SFSWAP: variants seen among roughly 807,000 people sequenced by gnomAD.
The protein encoded by SFSWAP is splicing factor, suppressor of white-apricot homolog.
Under a neutral mutation model 100.7 loss-of-function variants are expected in SFSWAP, and 17 were observed. That is an observed-to-expected ratio of 0.17 (90% CI 0.12 to 0.25). SFSWAP has a LOEUF of 0.25. SFSWAP is among the 10% of genes least tolerant of loss of function. The pLI, the probability that SFSWAP is intolerant of heterozygous loss-of-function variation, is 1.00. For synonymous variants in SFSWAP, 504 were observed against 510.1 expected (o/e 0.99, Z 0.16); for missense variants, 1,005 against 1,262.6 (o/e 0.80, Z 3.09).
At chr12:131,736,609 C>T (rs1290428303) in intron 7 of SFSWAP, among the ~76,000 whole-genome samples, 2 of 152,104 alleles carry the variant, frequency 1.3e-5, no homozygotes, top group Non-Finnish European at 2.9e-5. Context: ...GTAGTAAACA[C>T]CCCTCCAGCG....
intron 7 of SFSWAP, among the ~76,000 whole-genome samples, chr12:131,746,442 G>C (rs989472641): frequency 3.9e-5 from 6 of 152,186 alleles, no homozygotes; most frequent in African/African-American, 1.4e-4. Flanking sequence ...TCGTTTGTTT[G>C]CAGTGTGCAT....
chr12:131,756,588 G>A lies in SFSWAP; in HGVS notation c.1664G>A (p.Gly555Asp). ...AAEVGARAGSGGKKEASSSKT... is the reference protein window; with the variant it reads ...AAEVGARAGSDGKKEASSSKT... ...GAGGTGGGAGCACGGGCAGGCTCAG[G>A]CGGGAAGAAGGAGGCATCGTCCAGT... The change falls in exon 11 of 18, where the codon GGC (glycine) becomes GAC (aspartate). Residue 555 changes from glycine to aspartate, a missense_variant. Coordinates refer to ENST00000261674, the MANE Select transcript of SFSWAP (RefSeq NM_004592.4). The A allele has an allele frequency of 6.2e-7, 1 of 1,613,144 alleles. No homozygotes were observed. The highest frequency in any genetic ancestry group is 8.5e-7 in the Non-Finnish European group (1 of 1,179,716).
intron 13 of SFSWAP, among the ~76,000 whole-genome samples, chr12:131,775,978 T>G (rs1397412022): frequency 1.3e-5 from 2 of 150,590 alleles, no homozygotes; most frequent in Non-Finnish European, 2.9e-5. Context: ...GGCACATGCC[T>G]GTAATCCCAG....
chr12:131,783,892 T>C (rs953879045), intron 14 of SFSWAP: 1 of 149,050 alleles, frequency 6.7e-6, no homozygotes, highest in Admixed American at 6.8e-5. Flanking sequence ...GGAAGACTTT[T>C]CTTAGGAGTC....
Position 131,714,808 on chromosome 12 carries a change from C to T in SFSWAP, c.389-14C>T, listed in dbSNP as rs1418583293. On this transcript the variant is annotated splice_polypyrimidine_tract_variant and intron_variant, in intron 2 of 17. Transcript: ENST00000261674. This position sits in a 1 kb window ranked among gnomAD's most constrained non-coding sequence, Gnocchi z 6.0. ...TTTCTATTTTTGTTGATAAAATTCTCATTTTTATTCAAGAGGAAGAATACA... is the reference window on the plus strand; with the variant it reads ...TTTCTATTTTTGTTGATAAAATTCTTATTTTTATTCAAGAGGAAGAATACA... The T allele has an allele frequency of 1.2e-6, 2 of 1,606,942 alleles. No homozygotes were observed. The highest frequency in any genetic ancestry group is 1.7e-6 in the Non-Finnish European group (2 of 1,175,414).
In SFSWAP at chr12:131,730,572, G is replaced by C. The variant is rs1342690259; in HGVS notation, c.1081+2144G>C. The stretch of plus-strand genomic sequence containing the variant: ...GTGATCTGAACTGAGGCATGCAGGG[G>C]TGGCATTGTGAGCTGTCTGGGTCAG... On this transcript the variant is annotated intron_variant, in intron 7 of 17. Transcript: ENST00000261674. This position sits in a 1 kb window ranked among gnomAD's most constrained non-coding sequence, Gnocchi z 4.0. Among the ~76,000 whole-genome samples, 1 of 152,204 alleles carries C rather than the reference G, an allele frequency of 6.6e-6. No homozygotes were observed. The highest frequency in any genetic ancestry group is 1.5e-5 in the Non-Finnish European group (1 of 68,038).
chr12:131,751,312 C>G (rs1881602456), intron 7 of SFSWAP, among the ~76,000 whole-genome samples: 1 of 152,232 alleles, frequency 6.6e-6, no homozygotes, highest in Non-Finnish European at 1.5e-5. Context: ...GAATTCAGAT[C>G]CCGTCCTTTG....
At chr12:131,720,959 TG>T (rs1420760366) in intron 4 of SFSWAP, among the ~76,000 whole-genome samples, 1 of 152,224 alleles carries the variant, frequency 6.6e-6, no homozygotes, top group Non-Finnish European at 1.5e-5. Context: ...CTCACGATTC[TG>T]CAGGCTGTAC....
In SFSWAP at chr12:131,711,350, G is replaced by T. The variant is rs1877312060; in HGVS notation, c.121G>T (p.Ala41Ser). The T allele has an allele frequency of 1.2e-6, 2 of 1,613,920 alleles. No homozygotes were observed. The highest frequency in any genetic ancestry group is 1.7e-6 in the Non-Finnish European group (2 of 1,180,046). ...AGTGGAGCTCTTGGTTTTCGGCTAT[G>T]CCTGCAAGCTGTTCCGGGACGACGA... Reference protein sequence around the residue: ...SRVELLVFGYACKLFRDDERA... With the variant: ...SRVELLVFGYSCKLFRDDERA... The change falls in exon 1 of 18, where the codon GCC (alanine) becomes TCC (serine). Residue 41 changes from alanine to serine, a missense_variant. Ala to Ser is a moderately conservative substitution (Grantham distance 99, BLOSUM62 1). Coordinates refer to ENST00000261674, the MANE Select transcript of SFSWAP (RefSeq NM_004592.4). This position sits in a 1 kb window ranked among gnomAD's most constrained non-coding sequence, Gnocchi z 4.9.
At chr12:131,716,075 A>G (rs551854323) in intron 3 of SFSWAP, among the ~76,000 whole-genome samples, 2 of 152,308 alleles carry the variant, frequency 1.3e-5, no homozygotes, top group Non-Finnish European at 2.9e-5. Flanking sequence ...TTGCCCTTCC[A>G]TCCTGTGACT....
intron 5 of SFSWAP, among the ~76,000 whole-genome samples, chr12:131,726,713 C>T (rs1251056964): frequency 1.3e-5 from 2 of 152,238 alleles, no homozygotes; most frequent in Non-Finnish European, 2.9e-5. Flanking sequence ...GAGCCCCAGA[C>T]CAGCTGGTGC....
chr12:131,799,203 CCT>C (rs1885894124), intron 17 of SFSWAP, 94 bp downstream of exon 17: 1 of 1,143,980 alleles, frequency 8.7e-7, no homozygotes, highest in Non-Finnish European at 1.3e-6. Flanking sequence ...CCCTCCTGTC[CCT>C]GTCATGGGAC....
At position 131,733,862 on chromosome 12, in the gene SFSWAP, C is replaced by T. The variant is rs984924680; in HGVS notation, c.1081+5434C>T. On this transcript the variant is annotated intron_variant, in intron 7 of 17. Coordinates refer to ENST00000261674, the MANE Select transcript of SFSWAP (RefSeq NM_004592.4). This position sits in a 1 kb window ranked among gnomAD's most constrained non-coding sequence, Gnocchi z 5.1. ...GGGTCCTGGCACCTGCCCCTCCACT[C>T]CCCATGCAGCTTCATCCTCCAGGGC... Among the ~76,000 whole-genome samples the T allele has an allele frequency of 1.2e-4, 18 of 152,148 alleles. No homozygotes were observed. Among genetic ancestry groups the T allele is most frequent in the African/African-American group, 3.9e-4 (16 of 41,422 alleles).
chr12:131,794,279 G>T lies in SFSWAP; in HGVS notation c.2535-2899G>T, dbSNP rs993106007. Among the ~76,000 whole-genome samples the T allele has an allele frequency of 6.6e-6, 1 of 151,222 alleles. No individual in the cohort carries two copies. The highest frequency in any genetic ancestry group is 2.1e-4 in the South Asian group (1 of 4,796). On this transcript the variant is annotated intron_variant, in intron 15 of 17. Transcript: ENST00000261674. The surrounding 1 kb of genome is among the most constrained non-coding windows in gnomAD (Gnocchi z 4.8). ...GCCAGCCACAGTGGCTCACACCTGT[G>T]ATCCCAGCACTTTGGGAGGCCAAGG...
At position 131,764,601 on chromosome 12, in the gene SFSWAP, C is replaced by T. The variant is rs1157057576; in HGVS notation, c.1866C>T (p.Asn622=). Residue 622 remains asparagine (N), a synonymous_variant, in exon 12 of 18, where the codon AAC becomes AAT. Coordinates refer to ENST00000261674, the MANE Select transcript of SFSWAP (RefSeq NM_004592.4). ...AAGAAAGTTCTAGTAGTGCTGCAAA[C>T]ACTAACCCAGCAGTTGCCCCACCCT... The part of the protein sequence containing the change: ...EGQESSSSAA[N]TNPAVAPPCV... The T allele has an allele frequency of 2.4e-5, 39 of 1,614,208 alleles. No individual in the cohort carries two copies. Among genetic ancestry groups the T allele is most frequent in the Non-Finnish European group, 3.2e-5 (38 of 1,180,032 alleles).
intron 12 of SFSWAP, among the ~76,000 whole-genome samples, chr12:131,765,121 T>C (rs1883001801): frequency 6.6e-6 from 1 of 152,178 alleles, no homozygotes. Context: ...CCAGCTGGTT[T>C]TCCGGCTGCG....
chr12:131,776,554 C>T lies in SFSWAP; in HGVS notation c.2143-1511C>T, dbSNP rs368268834. Among the ~76,000 whole-genome samples the T allele has an allele frequency of 3.9e-4, 60 of 152,344 alleles. 1 individual carries two copies. In the East Asian group the frequency reaches 8.7e-3, roughly 22 times the overall value. Reference sequence around the variant, plus strand: ...GAAGAATCGTTTCTACAGTGTTTTCCCGCAGCCAGTTGGCCTTGCCACAGC... The same window carrying T: ...GAAGAATCGTTTCTACAGTGTTTTCTCGCAGCCAGTTGGCCTTGCCACAGC... On this transcript the variant is annotated intron_variant, in intron 13 of 17. Coordinates refer to ENST00000261674, the MANE Select transcript of SFSWAP (RefSeq NM_004592.4).
At chr12:131,721,880 G>A (rs1878505074) in intron 4 of SFSWAP, among the ~76,000 whole-genome samples, 1 of 152,198 alleles carries the variant, frequency 6.6e-6, no homozygotes, top group African/African-American at 2.4e-5. Context: ...GCTTGATTGA[G>A]TCTCTCATTT....
chr12:131,751,615 T>C (rs948081016), intron 7 of SFSWAP, among the ~76,000 whole-genome samples: 5 of 152,272 alleles, frequency 3.3e-5, no homozygotes, highest in Non-Finnish European at 7.3e-5. Flanking sequence ...CTTCCAGGGA[T>C]GACGTTGTCT....
Sources: gnomAD v4.1 joint callset for allele counts (sites outside exome capture counted in the v4.1 genomes callset) on GRCh38, gnomAD v4.1.1 for gene constraint, Gnocchi (gnomAD v3.1) non-coding constraint, MANE v1.5 for transcripts, NCBI Gene and HGNC (gene_info 2026-07-23, HGNC 2026-07-21) for gene names.